The following HYKK variants were observed in gnomAD, a reference collection of about 807,000 sequenced individuals.
HYKK encodes hydroxylysine kinase.
Under a neutral mutation model 29.7 loss-of-function variants are expected in HYKK, and 19 were observed. The observed-to-expected ratio is 0.64, with a 90% confidence interval of 0.45 to 0.94. The LOEUF is 0.94. HYKK is among the 40% of genes least tolerant of loss of function. The pLI, the probability that HYKK is intolerant of heterozygous loss-of-function variation, is 0.00. For synonymous variants in HYKK, 152 were observed against 158.1 expected (o/e 0.96, Z 0.29); for missense variants, 390 against 443.4 (o/e 0.88, Z 1.08).
chr15:78,528,674 G>A (rs12441354), intron 4 of HYKK: 76,234 of 313,156 alleles, frequency 0.24, 10,360 homozygotes, highest in Admixed American at 0.47. Flanking sequence ...ATGGTGACGC[G>A]TGCCTGTAAT....
At chr15:78,530,552 G>T (rs1213429928) in intron 4 of HYKK, among the ~76,000 whole-genome samples, 1 of 152,142 alleles carries the variant, frequency 6.6e-6, no homozygotes, top group Non-Finnish European at 1.5e-5. Flanking sequence ...CTATATCTGT[G>T]TTGTTCAATA....
At position 78,527,474 on chromosome 15, in the gene HYKK, T is replaced by C; in HGVS notation, c.572T>C (p.Leu191Pro). The change falls in exon 4 of 5, where the codon CTG becomes CCG. Residue 191 changes from leucine (L) to proline (P), a missense_variant. Physicochemically the swap from Leu to Pro is moderately conservative, Grantham distance 98. Transcript: ENST00000388988. ...VPLLEKYLYA[L>P]GQNRNREIVE... ...CTTCTGGAGAAATACCTGTATGCCC[T>C]GGGCCAGAATCGAAACCGAGAGATT... The C allele has an allele frequency of 1.2e-6, 2 of 1,614,178 alleles. No individual in the cohort carries two copies. The highest frequency in any genetic ancestry group is 1.7e-6 in the Non-Finnish European group (2 of 1,180,016).
intron 1 of HYKK, among the ~76,000 whole-genome samples, chr15:78,508,191 C>T (rs1405947022): frequency 6.6e-6 from 1 of 152,198 alleles, no homozygotes; most frequent in South Asian, 2.1e-4. Context: ...GATTCCCCAC[C>T]TTTCTGTTTC....
chr15:78,513,457 C>A, intron 2 of HYKK, 32 bp downstream of exon 2: 1 of 1,482,368 alleles, frequency 6.7e-7, no homozygotes, highest in Non-Finnish European at 9.3e-7. Flanking sequence ...GATCCATTAC[C>A]TATCCAGACA....
At chr15:78,522,069 CAACTAGTTGGTATT>C (rs903998198) in intron 3 of HYKK, among the ~76,000 whole-genome samples, 1 of 151,858 alleles carries the variant, frequency 6.6e-6, no homozygotes, top group African/African-American at 2.4e-5. Context: ...CACAGCCTCC[CAACTAGTTGGTATT>C]ATAGACATGA....
chr15:78,514,908 C>CTCTCTCTCTCTCTATATATA lies in HYKK; in HGVS notation c.338-59_338-58insCTCTCTCTCTCTATATATAT, dbSNP rs766004199. ...TAAATACCTCTCTCTCTCTCTCTCTCTATATATATATATATATATAAATAA... is the reference window on the plus strand; with the variant it reads ...TAAATACCTCTCTCTCTCTCTCTCTCTCTCTCTCTCTCTATATATATATATATATATATATATATAAATAA... On this transcript the variant is annotated intron_variant, in intron 2 of 4. Transcript: ENST00000388988. 5.1e-4 allele frequency: 198 copies of CTCTCTCTCTCTCTATATATA among 385,472 alleles called. 1 individual carries two copies. The highest frequency in any genetic ancestry group is 3.7e-3 in the African/African-American group (149 of 40,462). The allele number at this position is 385,472 out of a possible 1,614,324, so 23.9% of individuals were successfully genotyped here. A position where few individuals can be genotyped will look rare whatever the true frequency, so the allele number is the denominator to read the frequency against.
intron 3 of HYKK, among the ~76,000 whole-genome samples, chr15:78,523,371 C>T (rs2052217791): frequency 6.6e-6 from 1 of 152,146 alleles, no homozygotes; most frequent in Non-Finnish European, 1.5e-5. Flanking sequence ...CACTCACTGT[C>T]ATGAGAGCAG....
chr15:78,512,546 C>T (rs1039606302), intron 1 of HYKK, among the ~76,000 whole-genome samples: 4 of 151,768 alleles, frequency 2.6e-5, no homozygotes, highest in East Asian at 1.9e-4. Context: ...GGATTACAGG[C>T]GCCCACCACC....
intron 1 of HYKK, 147 bp from the exon 2 acceptor site, chr15:78,512,937 T>A: frequency 1.7e-6 from 1 of 595,890 alleles, no homozygotes; most frequent in Non-Finnish European, 3.0e-6. Context: ...CTGATTTGAT[T>A]TTCTTTTTAA....
chr15:78,513,392 A>G lies in HYKK; in HGVS notation c.304A>G (p.Lys102Glu), dbSNP rs2052095482. Residue 102 changes from lysine to glutamate, a missense_variant, in exon 2 of 5, where the codon AAA (lysine) becomes GAA (glutamate). Lys to Glu is a moderately conservative substitution (Grantham distance 56). Coordinates refer to ENST00000388988, the MANE Select transcript of HYKK (RefSeq NM_001013619.4). ...GFPTASVCHT[K>E]GDNTASLVSV... ...TCCAACAGCCTCTGTGTGTCACACT[A>G]AAGGAGACAACACAGCTTCTCTCGT... The G allele has an allele frequency of 5.6e-6, 9 of 1,613,914 alleles. No individual in the cohort carries two copies. The highest frequency in any genetic ancestry group is 7.6e-6 in the Non-Finnish European group (9 of 1,179,954).
chr15:78,536,365 AT>A lies in HYKK; in HGVS notation c.*2696del, dbSNP rs2052363520. 6.6e-6 allele frequency: 1 copy of A among 151,994 alleles called. No homozygotes were observed. The highest frequency in any genetic ancestry group is 2.1e-4 in the South Asian group (1 of 4,822). 9.4% of individuals were successfully genotyped at this position (151,994 alleles called of 1,614,324 possible). On this transcript the variant is annotated 3_prime_UTR_variant, in exon 5 of 5. Transcript: ENST00000388988. ...CACTCACACACACTAGGAGGAACAAATGAGATCATTCACATGAAAGCACTTA... is the reference window on the plus strand; with the variant it reads ...CACTCACACACACTAGGAGGAACAAAGAGATCATTCACATGAAAGCACTTA...
intron 3 of HYKK, chr15:78,518,774 G>A (rs2052161657): frequency 1.2e-4 from 39 of 323,410 alleles, no homozygotes; most frequent in South Asian, 8.6e-4. Flanking sequence ...AATTAGCCAG[G>A]TATGGTGGCG....
chr15:78,527,240 C>G, intron 3 of HYKK, 140 bp from the exon 4 acceptor site: 1 of 659,508 alleles, frequency 1.5e-6, no homozygotes, highest in South Asian at 2.0e-5. Flanking sequence ...GAGTCGAGAT[C>G]GTGCCACTGC....
chr15:78,507,699 G>C (rs1473486686), intron 1 of HYKK, 28 bp downstream of exon 1: 3 of 152,378 alleles, frequency 2.0e-5, no homozygotes, highest in Admixed American at 1.3e-4. Context: ...AAGCAGAGAC[G>C]AGCCCTGCGT....
At chr15:78,516,588 A>G (rs2052135515) in intron 3 of HYKK, among the ~76,000 whole-genome samples, 1 of 151,710 alleles carries the variant, frequency 6.6e-6, no homozygotes, top group Non-Finnish European at 1.5e-5. Context: ...GAGCTCAAGC[A>G]GTCTTCCCGC....
chr15:78,509,444 T>A (rs1192869599), intron 1 of HYKK, among the ~76,000 whole-genome samples: 1 of 152,322 alleles, frequency 6.6e-6, no homozygotes, highest in East Asian at 1.9e-4. Context: ...AACAGCGCTC[T>A]CCTAAGAGGA....
chr15:78,515,663 A>C (rs765602763), intron 3 of HYKK, among the ~76,000 whole-genome samples: 1 of 149,072 alleles, frequency 6.7e-6, no homozygotes, highest in Non-Finnish European at 1.5e-5. Flanking sequence ...ATCTTGGCTC[A>C]CTGCAAGCTC....
chr15:78,522,558 C>CAAAAA (rs746784955), intron 3 of HYKK, among the ~76,000 whole-genome samples: 1 of 42,748 alleles, frequency 2.3e-5, no homozygotes, highest in East Asian at 5.6e-4. Context: ...GACTCCGTCT[C>CAAAAA]AAAAAAAAAA....
At chr15:78,530,164 A>C (rs1456578772) in intron 4 of HYKK, among the ~76,000 whole-genome samples, 2 of 150,154 alleles carry the variant, frequency 1.3e-5, no homozygotes, top group East Asian at 4.0e-4. Context: ...ATTGAGATAT[A>C]GTTCACAAAC....
Sources: gnomAD v4.1 joint callset for allele counts (sites outside exome capture counted in the v4.1 genomes callset) on GRCh38, gnomAD v4.1.1 for gene constraint, MANE v1.5 for transcripts, NCBI Gene and HGNC (gene_info 2026-07-23, HGNC 2026-07-21) for gene names.